SGK3: variants seen among roughly 807,000 people sequenced by gnomAD.
The protein encoded by SGK3 is serum/glucocorticoid regulated kinase family member 3.
A neutral mutation model predicts 68.5 loss-of-function variants in SGK3; 47 were observed. That is an observed-to-expected ratio of 0.69 (90% CI 0.54 to 0.87). The LOEUF (loss-of-function observed/expected upper bound fraction) is 0.87, where lower values mean the gene tolerates loss of function less well. Ranked by LOEUF, SGK3 falls within the 40% of genes least tolerant of loss-of-function variation. SGK3 has a pLI of 0.00. For missense variants in SGK3, 479 were observed against 575.5 expected (o/e 0.83, Z 1.72); for synonymous variants, 181 against 189.1 (o/e 0.96, Z 0.35).
intron 1 of SGK3, among the ~76,000 whole-genome samples, chr8:66,758,011 T>TACACACACAC (rs374764386): frequency 0.014 from 1,913 of 133,682 alleles, 30 homozygotes; most frequent in African/African-American, 0.032. Flanking sequence ...ACACACACAC[T>TACACACACAC]ACACACACAC....
At chr8:66,802,266 T>C (rs563751291) in intron 3 of SGK3, among the ~76,000 whole-genome samples, 1 of 152,200 alleles carries the variant, frequency 6.6e-6, no homozygotes, top group Non-Finnish European at 1.5e-5. Context: ...TTCCCTAAGT[T>C]CAAAAACACA....
chr8:66,726,801 T>TAAAAAAAAAAAAAAA lies in SGK3; in HGVS notation c.-122+13976_-122+13990dup, dbSNP rs560794837. Among the ~76,000 whole-genome samples the TAAAAAAAAAAAAAAA allele has an allele frequency of 3.3e-4, 27 of 80,974 alleles. 1 individual carries two copies. The highest frequency in any genetic ancestry group is 1.6e-3 in the African/African-American group (27 of 17,310). The allele number at this position is 80,974 out of a possible 152,430, so 53.1% of individuals were successfully genotyped here. A position where few individuals can be genotyped will look rare whatever the true frequency, so the allele number is the denominator to read the frequency against. On this transcript the variant is annotated intron_variant, in intron 1 of 16. Transcript: ENST00000521198. The stretch of plus-strand genomic sequence containing the variant: ...GAATGACAGAGCAAGACCCTGTCTG[T>TAAAAAAAAAAAAAAA]AAAAAAAAAAAAAAAAAAAAAAGAT...
chr8:66,777,681 C>T (rs1806766543), intron 1 of SGK3, among the ~76,000 whole-genome samples: 1 of 152,156 alleles, frequency 6.6e-6, no homozygotes, highest in African/African-American at 2.4e-5. Flanking sequence ...CCCTGCAGTT[C>T]CCTTTTCAAG....
In SGK3 at chr8:66,728,911, G is replaced by A. The variant is rs1021103508; in HGVS notation, c.-122+16078G>A. 3.3e-5 allele frequency among the ~76,000 whole-genome samples: 5 copies of A among 149,750 alleles called. No homozygotes were observed. In the East Asian group the frequency reaches 9.9e-4, roughly 30 times the overall value. ...AGCCTGGGCAACAGAGCGAAACTCTGCCTCTTAAAAAAAAAAAAAAATCTG... is the reference window on the plus strand; with the variant it reads ...AGCCTGGGCAACAGAGCGAAACTCTACCTCTTAAAAAAAAAAAAAAATCTG... On this transcript the variant is annotated intron_variant, in intron 1 of 16. Coordinates refer to ENST00000521198, the MANE Select transcript of SGK3 (RefSeq NM_001033578.3).
chr8:66,776,981 C>T (rs1226201067), intron 1 of SGK3, among the ~76,000 whole-genome samples: 2 of 152,142 alleles, frequency 1.3e-5, no homozygotes, highest in Non-Finnish European at 2.9e-5. Context: ...TTTTTTATCG[C>T]TGTTTTATTG....
chr8:66,832,922 G>A (rs1331989077), intron 8 of SGK3, among the ~76,000 whole-genome samples: 1 of 140,934 alleles, frequency 7.1e-6, no homozygotes, highest in East Asian at 2.0e-4. Context: ...TTTTTTTTTT[G>A]CCATCTGATG....
intron 14 of SGK3, 98 bp from the exon 15 acceptor site, chr8:66,847,095 T>C (rs1482371506): frequency 1.3e-6 from 2 of 1,516,432 alleles, no homozygotes; most frequent in Non-Finnish European, 1.8e-6. Context: ...TCCATACATT[T>C]TTTCAACTGA....
Position 66,861,606 on chromosome 8 carries a change from T to G in SGK3, c.*2025T>G, listed in dbSNP as rs1027752452. The G allele has an allele frequency of 2.0e-5, 3 of 152,174 alleles. No homozygotes were observed. The highest frequency in any genetic ancestry group is 2.1e-4 in the South Asian group (1 of 4,830). The allele number at this position is 152,174 out of a possible 1,614,324, so 9.4% of individuals were successfully genotyped here. ...ACTTTAGATGCTCCAAGAACAAGCA[T>G]CCCTTCCATGTATGTCTTGAGAAAG... On this transcript the variant is annotated 3_prime_UTR_variant, in exon 17 of 17. Transcript: ENST00000521198.
At chr8:66,794,163 G>C (rs1012172689) in intron 2 of SGK3, among the ~76,000 whole-genome samples, 1 of 152,146 alleles carries the variant, frequency 6.6e-6, no homozygotes, top group Non-Finnish European at 1.5e-5. Flanking sequence ...ATGGACTCCT[G>C]AAGTCATCGA....
chr8:66,817,644 G>A lies in SGK3; in HGVS notation c.329+3716G>A, dbSNP rs187283358. On this transcript the variant is annotated intron_variant, in intron 5 of 16. Coordinates refer to ENST00000521198, the MANE Select transcript of SGK3 (RefSeq NM_001033578.3). ...TGGGATTGTAGGTGTGAGCCACCAC[G>A]CCCAGCCAAAAAAGCTAATTTTTAA... Among the ~76,000 whole-genome samples the A allele has an allele frequency of 4.0e-3, 602 of 151,800 alleles. 6 individuals carry two copies. Among genetic ancestry groups the A allele is most frequent in the African/African-American group, 0.014 (573 of 41,440 alleles).
At chr8:66,807,574 GTCCTGCA>G (rs1313575908) in intron 4 of SGK3, among the ~76,000 whole-genome samples, 1 of 152,190 alleles carries the variant, frequency 6.6e-6, no homozygotes, top group African/African-American at 2.4e-5. Flanking sequence ...ATATTAGAAA[GTCCTGCA>G]TTGGGGAAAT....
chr8:66,730,206 T>C (rs1377810780), intron 1 of SGK3, among the ~76,000 whole-genome samples: 1 of 152,184 alleles, frequency 6.6e-6, no homozygotes, highest in African/African-American at 2.4e-5. Flanking sequence ...TTTCTGAAAG[T>C]CTATTGATGT....
intron 1 of SGK3, among the ~76,000 whole-genome samples, chr8:66,779,442 T>A (rs1052094313): frequency 1.3e-5 from 2 of 151,072 alleles, no homozygotes; most frequent in South Asian, 4.2e-4. Context: ...TTTTGTTGTT[T>A]TTGATTTTAG....
At chr8:66,769,519 C>G (rs755025867) in intron 1 of SGK3, among the ~76,000 whole-genome samples, 1 of 152,196 alleles carries the variant, frequency 6.6e-6, no homozygotes, top group Admixed American at 6.5e-5. Flanking sequence ...TCACCGCACC[C>G]GGCCTTAATT....
At position 66,800,265 on chromosome 8, in the gene SGK3, C is replaced by T. The variant is rs1417299159; in HGVS notation, c.180+1640C>T. On this transcript the variant is annotated intron_variant, in intron 3 of 16. Transcript: ENST00000521198. The stretch of plus-strand genomic sequence containing the variant: ...CTGAGGCAGGAGAATGGCGTGAACC[C>T]GGGAGGCAGAGGTTGCAGTGAGCCG... 6.7e-5 allele frequency among the ~76,000 whole-genome samples: 10 copies of T among 149,360 alleles called. No individual in the cohort carries two copies. In the East Asian group the frequency reaches 1.4e-3, roughly 21 times the overall value.
At chr8:66,800,769 T>C (rs1360314530) in intron 3 of SGK3, among the ~76,000 whole-genome samples, 2 of 152,238 alleles carry the variant, frequency 1.3e-5, no homozygotes, top group Non-Finnish European at 2.9e-5. Flanking sequence ...TTTAAAAATA[T>C]TTATTTTTGC....
intron 4 of SGK3, among the ~76,000 whole-genome samples, chr8:66,810,353 C>A (rs1274796818): frequency 6.6e-6 from 1 of 151,396 alleles, no homozygotes; most frequent in East Asian, 1.9e-4. Context: ...TTAAAGTAGG[C>A]GAATAAGGTT....
At chr8:66,759,466 G>A (rs1442784709) in intron 1 of SGK3, among the ~76,000 whole-genome samples, 1 of 147,952 alleles carries the variant, frequency 6.8e-6, no homozygotes, top group Admixed American at 6.8e-5. Context: ...GAGTCTGGCT[G>A]TGTCACCCAG....
At chr8:66,821,707 A>G (rs1428492374) in intron 5 of SGK3, among the ~76,000 whole-genome samples, 2 of 33,072 alleles carry the variant, frequency 6.0e-5, no homozygotes, top group Non-Finnish European at 1.4e-4. Context: ...TTGTATTTTT[A>G]CTGGAGACGG....
Sources: allele counts gnomAD v4.1 joint callset (sites outside exome capture counted in the v4.1 genomes callset), GRCh38; gene constraint gnomAD v4.1.1; transcripts MANE v1.5; gene names NCBI Gene and HGNC (gene_info 2026-07-23, HGNC 2026-07-21).